Variants in OGA observed in about 807,000 individuals in gnomAD.
OGA encodes the protein O-GlcNAcase, also known as protein O-GlcNAcase.
Under a neutral mutation model 102.0 loss-of-function variants are expected in OGA, and 21 were observed. The ratio of observed to expected loss-of-function variants is 0.21; its 90% CI spans 0.15 to 0.30. OGA has a LOEUF of 0.30. OGA is among the 10% of genes least tolerant of loss of function. The pLI is 1.00. For missense variants in OGA, 765 were observed against 1,107.8 expected (o/e 0.69, Z 4.39); for synonymous variants, 408 against 378.2 (o/e 1.08, Z -0.91).
At chr10:101,802,148 G>GA (rs1016846679) in intron 7 of OGA, among the ~76,000 whole-genome samples, 15 of 146,044 alleles carry the variant, frequency 1.0e-4, no homozygotes, top group East Asian at 1.0e-3. Flanking sequence ...CTGTCTCAAA[G>GA]AAAAAAAAAA....
intron 10 of OGA, among the ~76,000 whole-genome samples, chr10:101,794,684 G>A (rs1325443887): frequency 6.6e-6 from 1 of 152,144 alleles, no homozygotes; most frequent in Non-Finnish European, 1.5e-5. Context: ...ACAGTATCTG[G>A]TTCCTCTGAC....
intron 5 of OGA, 89 bp from the exon 6 acceptor site, chr10:101,806,232 C>CAAAGA: frequency 6.3e-6 from 5 of 787,420 alleles, no homozygotes; most frequent in Non-Finnish European, 1.1e-5. Context: ...GACGGAGTCT[C>CAAAGA]ACTCTTGATG....
intron 10 of OGA, 43 bp downstream of exon 10, chr10:101,797,937 G>T: frequency 1.3e-6 from 2 of 1,573,068 alleles, no homozygotes; most frequent in Admixed American, 1.7e-5. Context: ...TTTTTAAAGG[G>T]ACAATATATT....
At chr10:101,792,174 G>A (rs868766863) in intron 12 of OGA, among the ~76,000 whole-genome samples, 3 of 151,788 alleles carry the variant, frequency 2.0e-5, no homozygotes, top group Admixed American at 6.6e-5. Flanking sequence ...ACCCACCACC[G>A]CACCCAGCTA....
Position 101,800,529 on chromosome 10 carries a change from C to A in OGA, c.1037-129G>T, listed in dbSNP as rs2305193. The A allele has an allele frequency of 6.3e-3, 4,333 of 685,182 alleles. 39 individuals carry two copies. The highest frequency in any genetic ancestry group is 0.02 in the East Asian group (737 of 36,414). The allele number at this position is 685,182 out of a possible 1,614,324, so 42.4% of individuals were successfully genotyped here. ...AAACAAAGAACAGAATGAGAACAAACCTTAAACATAAAAATTCAAATAAAA... is the reference window on the plus strand; with the variant it reads ...AAACAAAGAACAGAATGAGAACAAAACTTAAACATAAAAATTCAAATAAAA... On this transcript the variant is annotated intron_variant, in intron 7 of 15. Coordinates refer to ENST00000361464, the MANE Select transcript of OGA (RefSeq NM_012215.5).
Position 101,791,101 on chromosome 10 carries a change from A to G in OGA, c.2262-13T>C. 2 of 1,584,180 alleles carry G rather than the reference A, an allele frequency of 1.3e-6. No homozygotes were observed. Among genetic ancestry groups the G allele is most frequent in the South Asian group, 2.3e-5 (2 of 85,660 alleles). On this transcript the variant is annotated splice_polypyrimidine_tract_variant and intron_variant, in intron 13 of 15. Transcript: ENST00000361464. ...CCCTCCTACTAACCTGCTCAGAAGGAAAGAGGCCACAGTAAACTTTTCAGT... is the reference window on the plus strand; with the variant it reads ...CCCTCCTACTAACCTGCTCAGAAGGGAAGAGGCCACAGTAAACTTTTCAGT...
rs1250410680 is a variant in OGA at position 101,784,814 on chromosome 10, G to GT, written c.*1636dup. ...GAAAACTCAGCTGTCTTACTATCTG[G>GT]TAAGAGTCTTCCCTTCATCTCAAGC... On this transcript the variant is annotated 3_prime_UTR_variant, in exon 16 of 16. Coordinates refer to ENST00000361464, the MANE Select transcript of OGA (RefSeq NM_012215.5). 1 of 152,216 alleles carries GT rather than the reference G, an allele frequency of 6.6e-6. No individual in the cohort carries two copies. Among genetic ancestry groups the GT allele is most frequent in the Non-Finnish European group, 1.5e-5 (1 of 68,042 alleles). 9.4% of individuals were successfully genotyped at this position (152,216 alleles called of 1,614,324 possible).
intron 5 of OGA, 40 bp downstream of exon 5, chr10:101,807,690 C>A: frequency 7.3e-7 from 1 of 1,371,336 alleles, no homozygotes; most frequent in Non-Finnish European, 9.7e-7. Context: ...TTATATATTC[C>A]AAGAAGACTA....
At position 101,818,177 on chromosome 10, in the gene OGA, G is replaced by A. The variant is rs1475934772; in HGVS notation, c.-155C>T. On this transcript the variant is annotated 5_prime_UTR_variant, in exon 1 of 16. Coordinates refer to ENST00000361464, the MANE Select transcript of OGA (RefSeq NM_012215.5). ...CTGCCCTTCCCCCTCCCTCTCCGCA[G>A]GGACCCGAATGCCCGGATGAGAAGG... The A allele has an allele frequency of 1.3e-5, 18 of 1,357,236 alleles. No individual in the cohort carries two copies. The highest frequency in any genetic ancestry group is 1.7e-5 in the Non-Finnish European group (18 of 1,058,046). 84.1% of individuals were successfully genotyped at this position (1,357,236 alleles called of 1,614,324 possible).
Position 101,786,430 on chromosome 10 carries a change from A to G in OGA, c.*21T>C. The G allele has an allele frequency of 6.3e-7, 1 of 1,582,460 alleles. No individual in the cohort carries two copies. The highest frequency in any genetic ancestry group is 1.4e-5 in the African/African-American group (1 of 73,734). On this transcript the variant is annotated 3_prime_UTR_variant, in exon 16 of 16. Transcript: ENST00000361464. Reference sequence around the variant, plus strand: ...AGGTGCAGTTAAGAGACTTTTGGACAGTTCACAGTGTCAACAAATGTCACA... The same window carrying G: ...AGGTGCAGTTAAGAGACTTTTGGACGGTTCACAGTGTCAACAAATGTCACA...
intron 10 of OGA, 86 bp from the exon 11 acceptor site, chr10:101,794,084 C>G: frequency 1.1e-6 from 1 of 879,100 alleles, no homozygotes; most frequent in Non-Finnish European, 1.9e-6. Context: ...ACAAACACTT[C>G]GTGGAAATAA....
intron 1 of OGA, among the ~76,000 whole-genome samples, chr10:101,815,341 C>T (rs555428994): frequency 2.2e-4 from 33 of 152,146 alleles, no homozygotes; most frequent in African/African-American, 7.5e-4. Flanking sequence ...TGCAGTGGCA[C>T]TATCTCGGCT....
At chr10:101,791,525 G>T in intron 12 of OGA, 86 bp from the exon 13 acceptor site, 1 of 1,068,978 alleles carries the variant, frequency 9.4e-7, no homozygotes, top group South Asian at 1.3e-5. Flanking sequence ...TCTGGGGAGG[G>T]AGTAACAAAA....
intron 7 of OGA, among the ~76,000 whole-genome samples, chr10:101,801,554 C>A (rs1009046814): frequency 6.6e-6 from 1 of 152,122 alleles, no homozygotes; most frequent in African/African-American, 2.4e-5. Flanking sequence ...ATATTTCCTA[C>A]GTATGTCCCA....
At chr10:101,788,608 G>A (rs373017632) in intron 14 of OGA, among the ~76,000 whole-genome samples, 32 of 151,644 alleles carry the variant, frequency 2.1e-4, no homozygotes, top group African/African-American at 6.8e-4. Flanking sequence ...AGTGGTGGGC[G>A]CCTGTAATCC....
At chr10:101,786,984 T>C (rs2065197779) in intron 15 of OGA, among the ~76,000 whole-genome samples, 1 of 151,802 alleles carries the variant, frequency 6.6e-6, no homozygotes, top group Admixed American at 6.6e-5. Context: ...CTTGACCTCA[T>C]GATCCGCCCA....
intron 6 of OGA, among the ~76,000 whole-genome samples, chr10:101,805,687 G>A (rs1228435088): frequency 6.6e-6 from 1 of 151,382 alleles, no homozygotes; most frequent in Admixed American, 6.6e-5. Context: ...CAGGCGTGGT[G>A]GCTCACGCCT....
intron 7 of OGA, among the ~76,000 whole-genome samples, chr10:101,801,947 C>T (rs934417069): frequency 1.3e-5 from 2 of 152,038 alleles, no homozygotes; most frequent in Admixed American, 6.5e-5. Flanking sequence ...GAGTTCGAGA[C>T]CAGCCTGACC....
chr10:101,818,277 G>A lies in OGA; in HGVS notation c.-255C>T. 1.6e-6 allele frequency: 2 copies of A among 1,280,126 alleles called. No individual in the cohort carries two copies. The highest frequency in any genetic ancestry group is 2.0e-6 in the Non-Finnish European group (2 of 1,012,380). 79.3% of individuals were successfully genotyped at this position (1,280,126 alleles called of 1,614,324 possible). A position where few individuals can be genotyped will look rare whatever the true frequency, so the allele number is the denominator to read the frequency against. On this transcript the variant is annotated 5_prime_UTR_variant, in exon 1 of 16. Transcript: ENST00000361464. ...CTGGGGCGCCAGAAGCCTAAGCGGA[G>A]AGCGAGGCTGTGACCTCTCGTTCCC...
Sources: gnomAD v4.1 joint callset for allele counts (sites outside exome capture counted in the v4.1 genomes callset) on GRCh38, gnomAD v4.1.1 for gene constraint, MANE v1.5 for transcripts, NCBI Gene and HGNC (gene_info 2026-07-23, HGNC 2026-07-21) for gene names.